SYT1: variants seen among roughly 807,000 people sequenced by gnomAD.
The protein encoded by SYT1 is synaptotagmin-1.
SYT1 carries 8 observed loss-of-function variants against 44.8 expected under a neutral mutation model. That is an observed-to-expected ratio of 0.18 (90% CI 0.10 to 0.32). The LOEUF is 0.32. Ranked by LOEUF, SYT1 falls within the 10% of genes least tolerant of loss-of-function variation. SYT1 has a pLI of 1.00. For missense variants in SYT1, 286 were observed against 509.3 expected (o/e 0.56, Z 4.22); for synonymous variants, 154 against 188.8 (o/e 0.82, Z 1.51).
intron 4 of SYT1, among the ~76,000 whole-genome samples, chr12:79,222,406 G>A (rs1436195126): frequency 5.0e-5 from 3 of 59,446 alleles, no homozygotes; most frequent in African/African-American, 2.3e-4. Context: ...TTTTTTTGAT[G>A]GAGTTTTGCT....
intron 4 of SYT1, among the ~76,000 whole-genome samples, chr12:79,250,330 T>C (rs1245823): frequency 0.71 from 107,973 of 152,012 alleles, 38,877 homozygotes; most frequent in African/African-American, 0.79. Flanking sequence ...TCTTACTCAC[T>C]CTTTATTAAT....
chr12:79,279,743 T>C (rs1255564063), intron 4 of SYT1, among the ~76,000 whole-genome samples: 2 of 152,002 alleles, frequency 1.3e-5, no homozygotes, highest in Admixed American at 6.6e-5. Flanking sequence ...TATAAATGTA[T>C]ACATAGAAAA....
In SYT1 at chr12:79,292,021, A is replaced by T. The variant is rs758489492; in HGVS notation, c.365A>T (p.Asp122Val). 2 of 1,613,968 alleles carry T rather than the reference A, an allele frequency of 1.2e-6. No individual in the cohort carries two copies. Among genetic ancestry groups the T allele is most frequent in the Non-Finnish European group, 1.7e-6 (2 of 1,179,990 alleles). ...CTCTATACATAGGCCCTCAAGGATG[A>T]TGATGCTGAAACTGGATTGACAGAT... Reference protein sequence around the residue: ...KTMKDQALKDDDAETGLTDGE... With the variant: ...KTMKDQALKDVDAETGLTDGE... The change falls in exon 6 of 11, where the codon GAT becomes GTT. Residue 122 changes from aspartate (D) to valine (V), a missense_variant. Physicochemically the swap from Asp to Val is radical, Grantham distance 152 (BLOSUM62 -3). Around this residue, in one of 6 missense-constraint regions of SYT1, gnomAD observed 141 missense variants for 165.7 expected, o/e 0.85. Coordinates refer to ENST00000261205, the MANE Select transcript of SYT1 (RefSeq NM_005639.3).
chr12:79,278,057 G>A (rs1436423205), intron 4 of SYT1, among the ~76,000 whole-genome samples: 1 of 152,006 alleles, frequency 6.6e-6, no homozygotes, highest in East Asian at 1.9e-4. Context: ...CAGCAATACA[G>A]TAATAAGGGA....
chr12:79,155,905 A>G (rs987538586), intron 3 of SYT1, among the ~76,000 whole-genome samples: 3 of 152,214 alleles, frequency 2.0e-5, no homozygotes, highest in Admixed American at 6.5e-5. Flanking sequence ...GTTAACAATT[A>G]CATAACCTCA....
intron 3 of SYT1, among the ~76,000 whole-genome samples, chr12:79,140,548 CCTAA>C (rs750427376): frequency 5.0e-4 from 76 of 152,210 alleles, no homozygotes; most frequent in South Asian, 1.7e-3. Flanking sequence ...TTAATCCAGG[CCTAA>C]CTGACTATAA....
intron 1 of SYT1, among the ~76,000 whole-genome samples, chr12:78,866,618 C>T (rs892791754): frequency 1.3e-5 from 2 of 152,022 alleles, no homozygotes; most frequent in Non-Finnish European, 2.9e-5. Flanking sequence ...GACAGCTAAG[C>T]GATAGTACTG....
At chr12:79,145,824 C>T (rs1156714696) in intron 3 of SYT1, among the ~76,000 whole-genome samples, 2 of 150,760 alleles carry the variant, frequency 1.3e-5, no homozygotes, top group Non-Finnish European at 3.0e-5. Context: ...GTGGCGGGAT[C>T]TCGGCTCACT....
chr12:79,111,284 C>T (rs549320101), intron 3 of SYT1, among the ~76,000 whole-genome samples: 3 of 151,916 alleles, frequency 2.0e-5, no homozygotes, highest in Non-Finnish European at 4.4e-5. Context: ...GCACACACCA[C>T]CTCCCAACTC....
intron 1 of SYT1, among the ~76,000 whole-genome samples, chr12:78,879,830 C>T (rs1040411715): frequency 6.6e-6 from 1 of 151,742 alleles, no homozygotes; most frequent in Non-Finnish European, 1.5e-5. Context: ...GATACTCTGG[C>T]CATATTGGCC....
At chr12:79,319,027 C>T (rs1484423496) in intron 8 of SYT1, among the ~76,000 whole-genome samples, 3 of 152,076 alleles carry the variant, frequency 2.0e-5, no homozygotes, top group Non-Finnish European at 2.9e-5. Context: ...GAGAGATGTA[C>T]GCCTCTTTTC....
intron 9 of SYT1, among the ~76,000 whole-genome samples, chr12:79,438,967 G>A (rs1403658845): frequency 6.6e-6 from 1 of 152,120 alleles, no homozygotes; most frequent in African/African-American, 2.4e-5. Context: ...AGAGTAGAAA[G>A]GAGTCACGAG....
At chr12:79,111,979 C>G (rs1029410225) in intron 3 of SYT1, among the ~76,000 whole-genome samples, 1 of 150,224 alleles carries the variant, frequency 6.7e-6, no homozygotes, top group Non-Finnish European at 1.5e-5. Flanking sequence ...ATAATAGATA[C>G]AATCTTTGCC....
intron 3 of SYT1, among the ~76,000 whole-genome samples, chr12:79,138,797 A>G (rs1197511844): frequency 6.6e-6 from 1 of 152,216 alleles, no homozygotes; most frequent in Non-Finnish European, 1.5e-5. Flanking sequence ...CACCTAGTTA[A>G]ATACCTTATA....
chr12:79,060,245 C>T (rs576786532), intron 3 of SYT1, among the ~76,000 whole-genome samples: 1 of 152,066 alleles, frequency 6.6e-6, no homozygotes, highest in Non-Finnish European at 1.5e-5. Context: ...CCAAACAAAA[C>T]CTACGTCCCT....
intron 3 of SYT1, among the ~76,000 whole-genome samples, chr12:79,198,987 T>C (rs984086153): frequency 6.6e-6 from 1 of 152,194 alleles, no homozygotes; most frequent in Non-Finnish European, 1.5e-5. Flanking sequence ...ACAAACCTTC[T>C]GTGCTGATAT....
intron 1 of SYT1, among the ~76,000 whole-genome samples, chr12:78,946,965 G>T (rs1263305284): frequency 6.6e-6 from 1 of 152,126 alleles, no homozygotes; most frequent in Non-Finnish European, 1.5e-5. Flanking sequence ...TTATGAGTCT[G>T]CCTCTTAGTA....
At chr12:79,000,071 A>G (rs1870631162) in intron 2 of SYT1, among the ~76,000 whole-genome samples, 1 of 152,208 alleles carries the variant, frequency 6.6e-6, no homozygotes, top group Non-Finnish European at 1.5e-5. Context: ...GTGTTAGAAT[A>G]TAGGACAGAC....
At chr12:78,908,004 C>G (rs140613317) in intron 1 of SYT1, among the ~76,000 whole-genome samples, 1 of 151,926 alleles carries the variant, frequency 6.6e-6, no homozygotes, top group South Asian at 2.1e-4. Context: ...AGCCAGCAGC[C>G]GTGTGATCAC....
Sources: gnomAD v4.1 joint callset for allele counts (sites outside exome capture counted in the v4.1 genomes callset) on GRCh38, gnomAD v4.1.1 for gene constraint, gnomAD v4.1.1 regional missense constraint, MANE v1.5 for transcripts, NCBI Gene and HGNC (gene_info 2026-07-23, HGNC 2026-07-21) for gene names.